FGF14: variants seen among roughly 807,000 people sequenced by gnomAD.
FGF14 encodes the protein fibroblast growth factor 14, also known as fibroblast growth factor homologous factor 4.
A neutral mutation model predicts 25.5 loss-of-function variants in FGF14; 5 were observed. The ratio of observed to expected loss-of-function variants is 0.20; its 90% CI spans 0.10 to 0.41. The LOEUF (loss-of-function observed/expected upper bound fraction) is 0.41. Ranked by LOEUF, FGF14 falls within the 10% of genes least tolerant of loss-of-function variation. The pLI, the probability that FGF14 is intolerant of heterozygous loss-of-function variation, is 1.00. For missense variants in FGF14, 222 were observed against 320.1 expected, an observed-to-expected ratio of 0.69 and a Z score of 2.34; for synonymous variants, 138 against 118.3, an observed-to-expected ratio of 1.17 and a Z score of -1.08.
At chr13:102,182,349 G>T (rs1241874864) in intron 1 of FGF14, among the ~76,000 whole-genome samples, 1 of 152,156 alleles carries the variant, frequency 6.6e-6, no homozygotes, top group African/African-American at 2.4e-5. Flanking sequence ...GAGGGGCAGA[G>T]CCCTGCCGAC....
rs564344531 is a variant in FGF14 at position 101,726,748 on chromosome 13, G to A, written c.471C>T (p.Tyr157=). ...CCTGTTGTCTGTACAACATGGATGA[G>A]TAGATTACATAATAATTTTCAAAAA... ...ESVFENYYVI[Y]SSMLYRQQES... The change falls in exon 4 of 5, where the codon TAC becomes TAT. Residue 157 remains tyrosine, a synonymous_variant. Coordinates refer to ENST00000376143, the MANE Select transcript of FGF14 (RefSeq NM_004115.4). 35 of 1,612,916 alleles carry A rather than the reference G, an allele frequency of 2.2e-5. No homozygotes were observed. The South Asian group carries it at 3.7e-4, about 17-fold the overall frequency.
chr13:101,957,836 G>A (rs1386193504), intron 1 of FGF14, among the ~76,000 whole-genome samples: 1 of 151,942 alleles, frequency 6.6e-6, no homozygotes, highest in East Asian at 1.9e-4. Flanking sequence ...CTTAATCCAC[G>A]TTATATATGA....
chr13:101,790,660 C>T (rs1165219533), intron 3 of FGF14, among the ~76,000 whole-genome samples: 1 of 151,928 alleles, frequency 6.6e-6, no homozygotes, highest in East Asian at 1.9e-4. Context: ...TTCAGCATGC[C>T]TCATTGTCCC....
intron 1 of FGF14, among the ~76,000 whole-genome samples, chr13:102,075,680 A>G (rs1243986701): frequency 6.6e-6 from 1 of 152,228 alleles, no homozygotes; most frequent in Non-Finnish European, 1.5e-5. Context: ...AGTTAACTGT[A>G]AAACAGCCTC....
intron 1 of FGF14, among the ~76,000 whole-genome samples, chr13:102,085,492 A>ATC (rs1165464060): frequency 6.6e-6 from 1 of 152,190 alleles, no homozygotes; most frequent in Non-Finnish European, 1.5e-5. Flanking sequence ...AGTGATGTCA[A>ATC]ACAATTTTCT....
chr13:102,273,906 T>C (rs1444568256), intron 1 of FGF14, among the ~76,000 whole-genome samples: 2 of 125,056 alleles, frequency 1.6e-5, no homozygotes, highest in Non-Finnish European at 3.2e-5. Context: ...ACCACTCTAC[T>C]CCAACCTGGG....
At chr13:102,182,842 A>C (rs1430599276) in intron 1 of FGF14, among the ~76,000 whole-genome samples, 1 of 152,192 alleles carries the variant, frequency 6.6e-6, no homozygotes, top group East Asian at 1.9e-4. Context: ...TACTTCTCAA[A>C]AAGAATTAAA....
intron 1 of FGF14, among the ~76,000 whole-genome samples, chr13:102,073,539 A>G (rs189759154): frequency 6.6e-6 from 1 of 152,372 alleles, no homozygotes; most frequent in African/African-American, 2.4e-5. Flanking sequence ...AATTTATCCA[A>G]TAAAACATAT....
chr13:101,821,748 T>C (rs1422811658), intron 3 of FGF14, among the ~76,000 whole-genome samples: 1 of 152,184 alleles, frequency 6.6e-6, no homozygotes, highest in Non-Finnish European at 1.5e-5. Flanking sequence ...GGGAGTCTAA[T>C]GGTATCAGTT....
intron 1 of FGF14, among the ~76,000 whole-genome samples, chr13:101,914,131 TAA>T (rs1184109192): frequency 6.6e-6 from 1 of 151,768 alleles, no homozygotes; most frequent in African/African-American, 2.4e-5. Context: ...ATTCCCTATG[TAA>T]AGAGTGTGTA....
intron 1 of FGF14, among the ~76,000 whole-genome samples, chr13:102,101,111 GAAAA>G (rs79230981): frequency 1.5e-5 from 2 of 132,676 alleles, no homozygotes; most frequent in African/African-American, 2.8e-5. Flanking sequence ...GCAACCCCAG[GAAAA>G]AAAAAAAAAA....
intron 1 of FGF14, among the ~76,000 whole-genome samples, chr13:102,284,566 T>C (rs2054002423): frequency 6.6e-6 from 1 of 152,304 alleles, no homozygotes; most frequent in African/African-American, 2.4e-5. Flanking sequence ...TCTAGATTTT[T>C]TTACTCTAAA....
At chr13:102,025,161 G>A (rs889829049) in intron 1 of FGF14, among the ~76,000 whole-genome samples, 32 of 151,654 alleles carry the variant, frequency 2.1e-4, no homozygotes, top group African/African-American at 5.1e-4. Flanking sequence ...AGACTGTTTC[G>A]GCTATAAGTC....
rs148399144 is a variant in FGF14, at chr13:101,891,658, A to G, written c.194-16362T>C. ...GCACTAATTTTATTTATGTAAATAC[A>G]CAAATCTATATATGTATTTCTATAT... On this transcript the variant is annotated intron_variant, in intron 1 of 4. Coordinates refer to ENST00000376143, the MANE Select transcript of FGF14 (RefSeq NM_004115.4). 2.0e-4 allele frequency among the ~76,000 whole-genome samples: 31 copies of G among 152,248 alleles called. No homozygotes were observed. In the Middle Eastern group the frequency reaches 0.014, roughly 67 times the overall value.
At chr13:101,814,302 A>T (rs1412220392) in intron 3 of FGF14, among the ~76,000 whole-genome samples, 1 of 152,234 alleles carries the variant, frequency 6.6e-6, no homozygotes, top group Admixed American at 6.5e-5. Flanking sequence ...AGCTGAAAAA[A>T]AATGTTGGCA....
chr13:102,175,769 AC>A (rs2140711359), intron 1 of FGF14, among the ~76,000 whole-genome samples: 1 of 152,170 alleles, frequency 6.6e-6, no homozygotes, highest in East Asian at 1.9e-4. Context: ...AATATGAAAG[AC>A]CCTTCTCAAA....
chr13:102,208,066 T>C (rs1189842381), intron 1 of FGF14, among the ~76,000 whole-genome samples: 1 of 152,222 alleles, frequency 6.6e-6, no homozygotes, highest in African/African-American at 2.4e-5. Flanking sequence ...CAAGATCATT[T>C]CCAAGGTTAA....
At position 101,779,198 on chromosome 13, in the gene FGF14, C is replaced by T. The variant is rs193129094; in HGVS notation, c.409-52388G>A. ...CAAAGCACCATGTTATCTGCCCTCC[C>T]TTGCCTCCTAGTCCGGAATCACCCC... On this transcript the variant is annotated intron_variant, in intron 3 of 4. Transcript: ENST00000376143. 3.3e-5 allele frequency: 5 copies of T among 152,358 alleles called. No homozygotes were observed. In the East Asian group the frequency reaches 9.6e-4, roughly 29 times the overall value. The allele number at this position is 152,358 out of a possible 1,614,324, so 9.4% of individuals were successfully genotyped here.
chr13:101,756,397 T>C (rs1445317322), intron 3 of FGF14, among the ~76,000 whole-genome samples: 1 of 152,214 alleles, frequency 6.6e-6, no homozygotes, highest in Non-Finnish European at 1.5e-5. Flanking sequence ...AGTTGTTTTT[T>C]TTATTTGTAA....
Sources: allele counts gnomAD v4.1 joint callset (sites outside exome capture counted in the v4.1 genomes callset), GRCh38; gene constraint gnomAD v4.1.1; transcripts MANE v1.5; gene names NCBI Gene and HGNC (gene_info 2026-07-23, HGNC 2026-07-21).